The following GIGYF1 variants were observed in gnomAD, a reference collection of about 807,000 sequenced individuals.
GIGYF1 encodes the protein GRB10 interacting GYF protein 1.
GIGYF1 carries 84 observed loss-of-function variants against 147.1 expected under a neutral mutation model. That is an observed-to-expected ratio of 0.57 (90% CI 0.48 to 0.68). The LOEUF is 0.68. GIGYF1 is among the 30% of genes least tolerant of loss of function. The pLI is 0.00. For synonymous variants in GIGYF1, 752 were observed against 589.5 expected, an observed-to-expected ratio of 1.28 and a Z score of -3.99; for missense variants, 1,485 against 1,393.7, an observed-to-expected ratio of 1.07 and a Z score of -1.04.
chr7:100,686,101 A>G (rs764096771), intron 11 of GIGYF1, 22 bp from the exon 12 acceptor site: 147 of 1,584,824 alleles, frequency 9.3e-5, no homozygotes, highest in Non-Finnish European at 1.2e-4. Flanking sequence ...CGGGGTGGGG[A>G]GCAGAGAACA....
At position 100,683,713 on chromosome 7, in the gene GIGYF1, C is replaced by T. The variant is rs1322185628; in HGVS notation, c.1970-81G>A. 3 of 1,558,338 alleles carry T rather than the reference C, an allele frequency of 1.9e-6. No individual in the cohort carries two copies. The African/African-American group carries it at 4.1e-5, about 21-fold the overall frequency. Reference sequence around the variant, plus strand: ...CTAGTCCAGCCGCAGCAGTGGGCTCCCCAGCCAGAATGGCAGCTAGGGGCG... The same window carrying T: ...CTAGTCCAGCCGCAGCAGTGGGCTCTCCAGCCAGAATGGCAGCTAGGGGCG... On this transcript the variant is annotated intron_variant, in intron 19 of 26. Transcript: ENST00000678049.
At chr7:100,692,378 G>C (rs964908294) in intron 1 of GIGYF1, among the ~76,000 whole-genome samples, 1 of 152,210 alleles carries the variant, frequency 6.6e-6, no homozygotes, top group African/African-American at 2.4e-5. Flanking sequence ...GCTCCAGCCA[G>C]GGAAAAGAAG....
At chr7:100,685,278 C>A in intron 13 of GIGYF1, 66 bp downstream of exon 13, 8 of 1,539,504 alleles carry the variant, frequency 5.2e-6, no homozygotes, top group South Asian at 1.3e-5. Flanking sequence ...CCCACCCCCA[C>A]GAGTGGGGAG....
In GIGYF1 at chr7:100,686,795, C is replaced by T; in HGVS notation, c.548G>A (p.Gly183Glu). The T allele has an allele frequency of 6.2e-7, 1 of 1,614,014 alleles. No individual in the cohort carries two copies. The highest frequency in any genetic ancestry group is 8.5e-7 in the Non-Finnish European group (1 of 1,180,000). ...GGCGTGCTCCTTCCTTGGGCCAGCCCCTCCCTCCTCAAAGCCACATCGTGC... is the reference window on the plus strand; with the variant it reads ...GGCGTGCTCCTTCCTTGGGCCAGCCTCTCCCTCCTCAAAGCCACATCGTGC... The part of the protein sequence containing the change: ...DGARCGFEEG[G>E]AGPRKEHARS... Residue 183 changes from glycine to glutamate, a missense_variant, in exon 10 of 27, where the codon GGG (glycine) becomes GAG (glutamate). Transcript: ENST00000678049.
At chr7:100,693,555 C>T (rs1228380797) in intron 1 of GIGYF1, among the ~76,000 whole-genome samples, 1 of 152,156 alleles carries the variant, frequency 6.6e-6, no homozygotes, top group Non-Finnish European at 1.5e-5. Flanking sequence ...CCATGTTGGC[C>T]AAAGTCGTGG....
At chr7:100,686,971 TGCCGCCCCGGCC>T (rs1371820779) in intron 9 of GIGYF1, 23 bp downstream of exon 9, 1 of 1,613,130 alleles carries the variant, frequency 6.2e-7, no homozygotes, top group South Asian at 1.1e-5. Flanking sequence ...TGGTCCTCCC[TGCCGCCCCGGCC>T]GCCGCCCTCA....
chr7:100,687,270 T>C (rs1232038272), intron 8 of GIGYF1, 28 bp downstream of exon 8: 1 of 1,595,624 alleles, frequency 6.3e-7, no homozygotes, highest in East Asian at 2.3e-5. Context: ...CCTGCCCGGC[T>C]CTGCGCCATG....
intron 18 of GIGYF1, 39 bp downstream of exon 18, chr7:100,683,981 C>A (rs771757209): frequency 2.7e-5 from 43 of 1,583,768 alleles, no homozygotes; most frequent in Non-Finnish European, 3.3e-5. Flanking sequence ...CCCATCCCCC[C>A]CCCACCCTGT....
chr7:100,681,614 T>C lies in GIGYF1; in HGVS notation c.*105A>G, dbSNP rs527474262. 1.3e-4 allele frequency: 139 copies of C among 1,090,276 alleles called. No homozygotes were observed. The African/African-American group carries it at 1.7e-3, about 14-fold the overall frequency. The allele number at this position is 1,090,276 out of a possible 1,614,324, so 67.5% of individuals were successfully genotyped here. A position where few individuals can be genotyped will look rare whatever the true frequency, so the allele number is the denominator to read the frequency against. On this transcript the variant is annotated 3_prime_UTR_variant, in exon 27 of 27. Transcript: ENST00000678049. ...TAACAAGTGCTGGGGACCCCGCCCC[T>C]GCCTCTTCCTGTGCTCTCTGCGGGG...
rs535505396 is a variant in GIGYF1, at chr7:100,684,001, G to T, written c.1868+19C>A. On this transcript the variant is annotated intron_variant, in intron 18 of 26. Transcript: ENST00000678049. ...CCCCCCCCCACCCTGTATCCTGAGG[G>T]CTCGCACGCACCACGCACCTGGGGG... The T allele has an allele frequency of 2.5e-6, 4 of 1,598,130 alleles. No individual in the cohort carries two copies. The East Asian group carries it at 6.7e-5, about 27-fold the overall frequency.
Position 100,686,067 on chromosome 7 carries a change from C to G in GIGYF1, c.961G>C (p.Glu321Gln), listed in dbSNP as rs1805303426. 1 of 1,612,414 alleles carries G rather than the reference C, an allele frequency of 6.2e-7. No individual in the cohort carries two copies. The highest frequency in any genetic ancestry group is 1.1e-5 in the South Asian group (1 of 91,034). Residue 321 changes from glutamate (E) to glutamine (Q), a missense_variant, in exon 12 of 27, where the codon GAG becomes CAG. Physicochemically the swap from Glu to Gln is conservative, Grantham distance 29. Transcript: ENST00000678049. Reference protein sequence around the residue: ...AFLPLKKGPKEPIPEEQELDF... With the variant: ...AFLPLKKGPKQPIPEEQELDF... ...AGCTCCTGCTCCTCAGGAATGGGCT[C>G]CTTGGGGCCCTTCTGCATGGGGCCG...
At position 100,683,374 on chromosome 7, in the gene GIGYF1, TTCTCC is replaced by T; in HGVS notation, c.2118_2122del (p.Glu707AlafsTer112). 1 of 1,613,626 alleles carries T rather than the reference TTCTCC, an allele frequency of 6.2e-7. No homozygotes were observed. Among genetic ancestry groups the T allele is most frequent in the Non-Finnish European group, 8.5e-7 (1 of 1,179,992 alleles). ...CTCCTCCTGCTGCTGCTGGCGGCGC[TTCTCC>T]TCTCGACGCTTGCGTTCCTCTTCCT... is the stretch of plus-strand genomic sequence containing the variant. On this transcript the variant is annotated frameshift_variant, in exon 21 of 27. Transcript: ENST00000678049. LOFTEE classifies it high-confidence loss of function.
In GIGYF1 at chr7:100,685,075, C is replaced by A; in HGVS notation, c.1264G>T (p.Asp422Tyr). Residue 422 changes from aspartate (D) to tyrosine (Y), a missense_variant, in exon 14 of 27, where the codon GAT becomes TAT. Physicochemically the swap from Asp to Tyr is radical, Grantham distance 160. Coordinates refer to ENST00000678049, the MANE Select transcript of GIGYF1 (RefSeq NM_001375765.1). Reference protein sequence around the residue: ...SAGPPGDLEDDEGLKHLQQEA... With the variant: ...SAGPPGDLEDYEGLKHLQQEA... Reference sequence around the variant, plus strand: ...TGCTGCAGGTGCTTCAAGCCTTCATCATCCTCCAGATCTCCGGGTGGGCCA... The same window carrying A: ...TGCTGCAGGTGCTTCAAGCCTTCATAATCCTCCAGATCTCCGGGTGGGCCA... 1 of 1,575,144 alleles carries A rather than the reference C, an allele frequency of 6.3e-7. No homozygotes were observed. Among genetic ancestry groups the A allele is most frequent in the Non-Finnish European group, 8.6e-7 (1 of 1,159,284 alleles).
chr7:100,687,153 A>G, intron 8 of GIGYF1, 107 bp from the exon 9 acceptor site: 1 of 1,529,842 alleles, frequency 6.5e-7, no homozygotes, highest in Non-Finnish European at 9.1e-7. Flanking sequence ...GGAGGGAGGA[A>G]GGGGACAAAC....
In GIGYF1 at chr7:100,685,340, CTACCTTCG is replaced by C. The variant is rs1356385160; in HGVS notation, c.1188_1192+3del. On this transcript the variant is annotated splice_donor_variant and splice_donor_region_variant and coding_sequence_variant and intron_variant, in exon 13 of 27. Coordinates refer to ENST00000678049, the MANE Select transcript of GIGYF1 (RefSeq NM_001375765.1). LOFTEE classifies it high-confidence loss of function. The stretch of plus-strand genomic sequence containing the variant: ...CCGGGAGGTAGGCCATCCTCCCTTC[CTACCTTCG>C]GCCGCTGGGGGCTCTTTCTCTGCAG... 2 of 1,593,306 alleles carry C rather than the reference CTACCTTCG, an allele frequency of 1.3e-6. No homozygotes were observed. Among genetic ancestry groups the C allele is most frequent in the African/African-American group, 1.4e-5 (1 of 73,392 alleles).
At chr7:100,685,511 A>G in intron 12 of GIGYF1, 30 bp from the exon 13 acceptor site, 1 of 1,588,200 alleles carries the variant, frequency 6.3e-7, no homozygotes, top group Non-Finnish European at 8.5e-7. Flanking sequence ...AGAGTTCAGA[A>G]CCAAGGGCTG....
In GIGYF1 at chr7:100,681,093, C is replaced by T. The variant is rs1804707263; in HGVS notation, c.*626G>A. ...GCGAAGCCAAGGGGCTACTTTGGCC[C>T]CACCCCGGACACCTCAGCCAGCCTC... On this transcript the variant is annotated 3_prime_UTR_variant, in exon 27 of 27. Transcript: ENST00000678049. The T allele has an allele frequency of 6.5e-6, 1 of 152,774 alleles. No homozygotes were observed. The highest frequency in any genetic ancestry group is 1.5e-5 in the Non-Finnish European group (1 of 68,122). 9.5% of individuals were successfully genotyped at this position (152,774 alleles called of 1,614,324 possible). A position where few individuals can be genotyped will look rare whatever the true frequency, so the allele number is the denominator to read the frequency against.
chr7:100,682,146 C>T lies in GIGYF1; in HGVS notation c.2851G>A (p.Ala951Thr). ...AGGAATTGTTTGGCAAATTCTTTGG[C>T]TTCCAGCGTGTCCCCCAGGCAGGAA... ...IRSCLGDTLE[A>T]KEFAKQFLER... is the part of the protein sequence containing the mutation. The change falls in exon 25 of 27, where the codon GCC becomes ACC. Residue 951 changes from alanine (A) to threonine (T), a missense_variant. Transcript: ENST00000678049. 6.2e-7 allele frequency: 1 copy of T among 1,614,052 alleles called. No individual in the cohort carries two copies. The highest frequency in any genetic ancestry group is 8.5e-7 in the Non-Finnish European group (1 of 1,179,976).
intron 6 of GIGYF1, 53 bp from the exon 7 acceptor site, chr7:100,687,669 A>ACCCC: frequency 6.5e-6 from 7 of 1,085,236 alleles, no homozygotes; most frequent in Non-Finnish European, 9.0e-6. Flanking sequence ...AACCACCTCC[A>ACCCC]CCCCCACCCC....
Sources: gnomAD v4.1 joint callset for allele counts (sites outside exome capture counted in the v4.1 genomes callset) on GRCh38, gnomAD v4.1.1 for gene constraint, MANE v1.5 for transcripts, NCBI Gene and HGNC (gene_info 2026-07-23, HGNC 2026-07-21) for gene names.